The following ESYT3 variants were observed in gnomAD, a reference collection of about 807,000 sequenced individuals.
The protein encoded by ESYT3 is extended synaptotagmin 3, also known as extended synaptotagmin-3.
ESYT3 carries 101 observed loss-of-function variants against 111.5 expected under a neutral mutation model. The ratio of observed to expected loss-of-function variants is 0.91; its 90% CI spans 0.77 to 1.07. ESYT3 has a LOEUF of 1.07. Among genes scored for constraint, ESYT3 ranks in the 50% least tolerant of loss-of-function variants. The probability of loss-of-function intolerance (pLI) is 0.00; values close to 1 mark genes in which losing one functional copy is unlikely to be tolerated. For missense variants in ESYT3, 1,097 were observed against 1,109.4 expected, an observed-to-expected ratio of 0.99 and a Z score of 0.16; for synonymous variants, 416 against 446.8, an observed-to-expected ratio of 0.93 and a Z score of 0.87.
intron 9 of ESYT3, 139 bp downstream of exon 9, chr3:138,464,654 T>G: frequency 1.1e-6 from 1 of 951,212 alleles, no homozygotes; most frequent in Non-Finnish European, 1.6e-6. Context: ...CTACCAGGCT[T>G]CCAGACTGGG....
chr3:138,445,088 G>A (rs1039074434), intron 1 of ESYT3, among the ~76,000 whole-genome samples: 7 of 152,304 alleles, frequency 4.6e-5, no homozygotes, highest in East Asian at 1.9e-4. Flanking sequence ...GGCCCTGACC[G>A]AGCAGCTGTA....
At chr3:138,457,671 C>A in intron 4 of ESYT3, 27 bp downstream of exon 4, 1 of 1,609,112 alleles carries the variant, frequency 6.2e-7, no homozygotes, top group Non-Finnish European at 8.5e-7. Flanking sequence ...TGGGTATGGG[C>A]TTCGGGGTGC....
At chr3:138,439,346 A>G (rs1419672002) in intron 1 of ESYT3, among the ~76,000 whole-genome samples, 1 of 151,890 alleles carries the variant, frequency 6.6e-6, no homozygotes, top group East Asian at 1.9e-4. Flanking sequence ...CGCGCAGAGC[A>G]CTTCTGTGGA....
At chr3:138,474,026 C>A (rs1484113851) in intron 19 of ESYT3, among the ~76,000 whole-genome samples, 195 bp from the exon 20 acceptor site, 1 of 152,218 alleles carries the variant, frequency 6.6e-6, no homozygotes, top group Non-Finnish European at 1.5e-5. Context: ...CTAAATTCTA[C>A]AGGCTATTAC....
intron 4 of ESYT3, among the ~76,000 whole-genome samples, chr3:138,458,533 T>C (rs2032430453): frequency 6.6e-6 from 1 of 152,256 alleles, no homozygotes; most frequent in Non-Finnish European, 1.5e-5. Context: ...CCTCTGCCTG[T>C]GCCCTGCACA....
At chr3:138,459,830 T>C (rs1467059817) in intron 5 of ESYT3, 115 bp from the exon 6 acceptor site, 3 of 867,812 alleles carry the variant, frequency 3.5e-6, no homozygotes, top group Non-Finnish European at 5.4e-6. Context: ...CAGGTGGCCC[T>C]GACATGTGGG....
At chr3:138,445,476 A>G (rs1485905675) in intron 1 of ESYT3, among the ~76,000 whole-genome samples, 1 of 152,206 alleles carries the variant, frequency 6.6e-6, no homozygotes, top group Non-Finnish European at 1.5e-5. Context: ...CCAGTCAGCG[A>G]GGCCAGGGAA....
At chr3:138,480,771 TG>T (rs1310332955), downstream of ESYT3, 1 of 152,226 alleles carries the variant, frequency 6.6e-6, no homozygotes, top group African/African-American at 2.4e-5. Context: ...AGGTTGTGTG[TG>T]TAACTTGATA....
chr3:138,434,900 G>T lies in ESYT3; in HGVS notation c.102G>T (p.Glu34Asp). The T allele has an allele frequency of 6.4e-7, 1 of 1,551,282 alleles. No individual in the cohort carries two copies. Among genetic ancestry groups the T allele is most frequent in the Non-Finnish European group, 8.7e-7 (1 of 1,147,088 alleles). Reference protein sequence around the residue: ...ELRLSSQLLPELCTFVVRVLF... With the variant: ...ELRLSSQLLPDLCTFVVRVLF... ...GCCTGTCCAGCCAGCTGCTGCCCGA[G>T]CTCTGTACCTTCGTGGTGCGCGTGC... The change falls in exon 1 of 23, where the codon GAG becomes GAT. Residue 34 changes from glutamate (E) to aspartate (D), a missense_variant. Glu to Asp is a conservative substitution (Grantham distance 45). Transcript: ENST00000389567.
In ESYT3 at chr3:138,460,682, A is replaced by G. The variant is rs1375878109; in HGVS notation, c.794+16A>G. 2 of 1,613,778 alleles carry G rather than the reference A, an allele frequency of 1.2e-6. No individual in the cohort carries two copies. The highest frequency in any genetic ancestry group is 2.2e-5 in the South Asian group (2 of 91,072). ...CGGGAATCAAGTAGGTGCCTGGGAG[A>G]GCCTCGAGGGAGATCATAAGTTTGG... is the stretch of plus-strand genomic sequence containing the variant. On this transcript the variant is annotated intron_variant, in intron 7 of 22. Coordinates refer to ENST00000389567, the MANE Select transcript of ESYT3 (RefSeq NM_031913.5).
At chr3:138,465,472 G>C (rs751892158) in intron 10 of ESYT3, 51 bp downstream of exon 10, 3 of 1,436,096 alleles carry the variant, frequency 2.1e-6, no homozygotes, top group Non-Finnish European at 2.9e-6. Flanking sequence ...CCCTCCCTGC[G>C]GGGTGCTGGG....
At chr3:138,473,684 A>G in intron 19 of ESYT3, 50 bp downstream of exon 19, 4 of 1,508,652 alleles carry the variant, frequency 2.7e-6, no homozygotes, top group Non-Finnish European at 3.7e-6. Flanking sequence ...TCAGGTGACC[A>G]TAAATCAGAG....
At position 138,479,387 on chromosome 3, in the gene ESYT3, A is replaced by G. The variant is rs772293651; in HGVS notation, c.*2533A>G. On this transcript the variant is annotated 3_prime_UTR_variant, in exon 23 of 23. Transcript: ENST00000389567. ...AGGCTGATTAAGAAAGTAAGTATTC[A>G]AGACCATATCTTATTTAGGAAGCTA... The G allele has an allele frequency of 4.6e-5, 7 of 152,244 alleles. No homozygotes were observed. Among genetic ancestry groups the G allele is most frequent in the Admixed American group, 3.3e-4 (5 of 15,284 alleles). 9.4% of individuals were successfully genotyped at this position (152,244 alleles called of 1,614,324 possible).
rs181174760 is a variant in ESYT3 at position 138,440,943 on chromosome 3, A to T, written c.327+5818A>T. On this transcript the variant is annotated intron_variant, in intron 1 of 22. Coordinates refer to ENST00000389567, the MANE Select transcript of ESYT3 (RefSeq NM_031913.5). The surrounding 1 kb of genome is among the most constrained non-coding windows in gnomAD (Gnocchi z 4.2). ...CCTGCCCTTGAGGAACCCATGAGCT[A>T]GATGGAGATTCAGACCTGCAAGGGC... 1.7e-3 allele frequency among the ~76,000 whole-genome samples: 259 copies of T among 152,344 alleles called. No individual in the cohort carries two copies. The highest frequency in any genetic ancestry group is 5.9e-3 in the African/African-American group (245 of 41,572).
At chr3:138,465,009 T>C (rs894455997) in intron 9 of ESYT3, among the ~76,000 whole-genome samples, 1 of 152,178 alleles carries the variant, frequency 6.6e-6, no homozygotes, top group African/African-American at 2.4e-5. Context: ...GCAGGGGTGC[T>C]AAAAGGCAGC....
In ESYT3 at chr3:138,479,433, A is replaced by ATAAC. The variant is rs1424373616; in HGVS notation, c.*2581_*2584dup. 1 of 152,238 alleles carries ATAAC rather than the reference A, an allele frequency of 6.6e-6. No individual in the cohort carries two copies. Among genetic ancestry groups the ATAAC allele is most frequent in the Non-Finnish European group, 1.5e-5 (1 of 68,044 alleles). 9.4% of individuals were successfully genotyped at this position (152,238 alleles called of 1,614,324 possible). Reference sequence around the variant, plus strand: ...AGCTAAAGATACTCATCTTAAAAATATAACTGTGTCAGTCACTAATTCATT... The same window carrying ATAAC: ...AGCTAAAGATACTCATCTTAAAAATATAACTAACTGTGTCAGTCACTAATTCATT... On this transcript the variant is annotated 3_prime_UTR_variant, in exon 23 of 23. Transcript: ENST00000389567.
intron 4 of ESYT3, among the ~76,000 whole-genome samples, chr3:138,458,301 T>C (rs1160885992): frequency 1.3e-5 from 2 of 152,196 alleles, no homozygotes; most frequent in Non-Finnish European, 2.9e-5. Flanking sequence ...CCCATCCCCA[T>C]TTAGGGGCTG....
chr3:138,451,354 AC>A (rs759663231), intron 1 of ESYT3, among the ~76,000 whole-genome samples: 4 of 152,020 alleles, frequency 2.6e-5, no homozygotes, highest in Non-Finnish European at 4.4e-5. Flanking sequence ...GCCCCACAGC[AC>A]CCCACTCCTT....
At chr3:138,468,047 G>C (rs530528448) in intron 11 of ESYT3, 58 bp from the exon 12 acceptor site, 2 of 1,525,514 alleles carry the variant, frequency 1.3e-6, no homozygotes, top group Non-Finnish European at 1.8e-6. Context: ...GCTGCCCAGA[G>C]AGCATCAGTA....
Sources: allele counts gnomAD v4.1 joint callset (sites outside exome capture counted in the v4.1 genomes callset), GRCh38; gene constraint gnomAD v4.1.1; non-coding constraint Gnocchi (gnomAD v3.1); transcripts MANE v1.5; gene names NCBI Gene and HGNC (gene_info 2026-07-23, HGNC 2026-07-21).